Variants in ARK2N observed in about 807,000 individuals in gnomAD.
ARK2N encodes the protein protein ARK2N.
At chr18:46,258,477 T>C in the ARK2N span, among the ~76,000 whole-genome samples, 1 of 152,176 alleles carries the variant, frequency 6.6e-6, no homozygotes, top group African/African-American at 2.4e-5. Flanking sequence ...TCATTTCCAC[T>C]GTGCAGCCTT....
the ARK2N span, chr18:46,240,044 C>A: frequency 5.5e-5 from 88 of 1,614,152 alleles, no homozygotes; most frequent in Middle Eastern, 1.7e-4. Flanking sequence ...ATGTCTGACA[C>A]CAACTCTGAC....
chr18:46,177,468 G>C, the ARK2N span, among the ~76,000 whole-genome samples: 1 of 103,752 alleles, frequency 9.6e-6, no homozygotes, highest in Non-Finnish European at 1.8e-5. Flanking sequence ...GTCTTACTCT[G>C]TTGCCCAGGC....
the ARK2N span, chr18:46,266,016 C>T: frequency 6.6e-6 from 1 of 152,228 alleles, no homozygotes; most frequent in Non-Finnish European, 1.5e-5. Context: ...TGCTGCTCTC[C>T]AGTAATTGTC....
the ARK2N span, among the ~76,000 whole-genome samples, chr18:46,200,066 T>TTGTGTGTG: frequency 3.9e-4 from 58 of 150,180 alleles, no homozygotes; most frequent in African/African-American, 9.4e-4. Flanking sequence ...AAATTCTTTA[T>TTGTGTGTG]TGTGTGTGTG....
At chr18:46,226,830 G>T in the ARK2N span, among the ~76,000 whole-genome samples, 2 of 141,114 alleles carry the variant, frequency 1.4e-5, no homozygotes, top group Admixed American at 7.1e-5. Flanking sequence ...TTTTTGAGAT[G>T]GAGTTTCGCT....
chr18:46,190,528 A>G, the ARK2N span, among the ~76,000 whole-genome samples: 1 of 152,068 alleles, frequency 6.6e-6, no homozygotes, highest in Non-Finnish European at 1.5e-5. Flanking sequence ...AGCTTTTCAA[A>G]AAACCTGCAA....
the ARK2N span, among the ~76,000 whole-genome samples, chr18:46,240,661 G>A: frequency 6.6e-6 from 1 of 152,098 alleles, no homozygotes; most frequent in African/African-American, 2.4e-5. Context: ...TTAATTCCTC[G>A]TCAGTAAGTT....
chr18:46,193,043 A>G, the ARK2N span, among the ~76,000 whole-genome samples: 1,542 of 151,782 alleles, frequency 0.01, 35 homozygotes, highest in African/African-American at 0.036. Context: ...GCACGTTCCT[A>G]TAGTCCCAGC....
the ARK2N span, among the ~76,000 whole-genome samples, chr18:46,254,502 G>T: frequency 6.6e-6 from 1 of 152,198 alleles, no homozygotes; most frequent in Non-Finnish European, 1.5e-5. Context: ...TTTAGTCTGG[G>T]CTGTGAGCTA....
the ARK2N span, chr18:46,240,110 G>A: frequency 1.9e-6 from 3 of 1,614,216 alleles, no homozygotes; most frequent in Non-Finnish European, 2.5e-6. Context: ...CAAGAGCACA[G>A]TAATTCTGTA....
At chr18:46,209,276 A>G in the ARK2N span, among the ~76,000 whole-genome samples, 1 of 148,176 alleles carries the variant, frequency 6.7e-6, no homozygotes, top group African/African-American at 2.5e-5. Context: ...AGCAGATGTT[A>G]TAATACTTCT....
At chr18:46,215,259 CAGTGAA>C in the ARK2N span, among the ~76,000 whole-genome samples, 1 of 152,150 alleles carries the variant, frequency 6.6e-6, no homozygotes, top group Admixed American at 6.5e-5. Flanking sequence ...ACGGAGGTTG[CAGTGAA>C]CTGAGATTGC....
chr18:46,244,840 A>ACC, the ARK2N span, among the ~76,000 whole-genome samples: 1 of 151,938 alleles, frequency 6.6e-6, no homozygotes, highest in African/African-American at 2.4e-5. Flanking sequence ...ACCTCCAGTG[A>ACC]TCCGCCTGTC....
the ARK2N span, among the ~76,000 whole-genome samples, chr18:46,243,039 G>A: frequency 8.4e-4 from 128 of 152,282 alleles, 1 homozygote; most frequent in East Asian, 0.015. Context: ...CTGCTCAGCA[G>A]ATCCCCATGA....
At chr18:46,195,559 CTTTTTTTTTTTTTTTTTTT>C in the ARK2N span, among the ~76,000 whole-genome samples, 8 of 72,688 alleles carry the variant, frequency 1.1e-4, no homozygotes, top group South Asian at 1.0e-3. Flanking sequence ...CCCACATAAA[CTTTTTTTTTTTTTTTTTTT>C]TTTTTTTTTT....
At chr18:46,246,209 A>G in the ARK2N span, among the ~76,000 whole-genome samples, 1 of 151,966 alleles carries the variant, frequency 6.6e-6, no homozygotes, top group African/African-American at 2.4e-5. Context: ...CTGTTCTGCC[A>G]TTGGAATCCT....
the ARK2N span, among the ~76,000 whole-genome samples, chr18:46,183,080 T>TAAAAAAA: frequency 7.1e-6 from 1 of 141,218 alleles, no homozygotes; most frequent in Non-Finnish European, 1.6e-5. Flanking sequence ...CTTACCACAC[T>TAAAAAAA]AAAAAAAAAA....
chr18:46,212,199 T>C, the ARK2N span, among the ~76,000 whole-genome samples: 2 of 152,194 alleles, frequency 1.3e-5, no homozygotes, highest in South Asian at 4.1e-4. Flanking sequence ...TCTAGTGTTA[T>C]GGCCCCAGAA....
the ARK2N span, among the ~76,000 whole-genome samples, chr18:46,248,891 C>G: frequency 0.27 from 41,477 of 152,012 alleles, 6,648 homozygotes; most frequent in Middle Eastern, 0.39. Flanking sequence ...CCTCTATACT[C>G]TTACGCAGCT....
Sources: allele counts gnomAD v4.1 joint callset (sites outside exome capture counted in the v4.1 genomes callset), GRCh38; gene constraint gnomAD v4.1.1; transcripts MANE v1.5; gene names NCBI Gene and HGNC (gene_info 2026-07-23, HGNC 2026-07-21).